The following CPEB3 variants were observed in gnomAD, a reference collection of about 807,000 sequenced individuals.
CPEB3 encodes the protein cytoplasmic polyadenylation element binding protein 3, also known as cytoplasmic polyadenylation element-binding protein 3.
Under a neutral mutation model 67.2 loss-of-function variants are expected in CPEB3, and 20 were observed. The ratio of observed to expected loss-of-function variants is 0.30; its 90% CI spans 0.21 to 0.43. The LOEUF (loss-of-function observed/expected upper bound fraction) is 0.43. CPEB3 is among the 20% of genes least tolerant of loss of function. The pLI is 1.00. For missense variants in CPEB3, 746 were observed against 968.6 expected (o/e 0.77, Z 3.05); for synonymous variants, 376 against 393.1 (o/e 0.96, Z 0.51).
chr10:92,208,043 C>A (rs1223025232), intron 2 of CPEB3, among the ~76,000 whole-genome samples: 1 of 152,072 alleles, frequency 6.6e-6, no homozygotes, highest in African/African-American at 2.4e-5. Context: ...GATAGGGTAT[C>A]CTAAGCAAGG....
intron 9 of CPEB3, among the ~76,000 whole-genome samples, chr10:92,072,237 A>G (rs1196124360): frequency 6.6e-6 from 1 of 152,256 alleles, no homozygotes; most frequent in Admixed American, 6.5e-5. Flanking sequence ...TGTCTTGACT[A>G]ACATCCAACC....
chr10:92,074,133 A>C (rs1056902812), intron 9 of CPEB3, among the ~76,000 whole-genome samples: 3 of 151,124 alleles, frequency 2.0e-5, no homozygotes, highest in Non-Finnish European at 3.0e-5. Flanking sequence ...TTTTAAGAGA[A>C]TGAGATCTCG....
chr10:92,247,873 C>A (rs984503856), intron 1 of CPEB3, among the ~76,000 whole-genome samples: 3 of 151,992 alleles, frequency 2.0e-5, no homozygotes, highest in Admixed American at 2.0e-4. Flanking sequence ...TAAACCACTG[C>A]CCCCCATCCT....
chr10:92,239,808 T>C lies in CPEB3; in HGVS notation c.543A>G (p.Pro181=). The change falls in exon 2 of 10, where the codon CCA becomes CCG. Residue 181 remains proline, a synonymous_variant. Transcript: ENST00000265997. The surrounding 1 kb of genome is among the most constrained non-coding windows in gnomAD (Gnocchi z 6.0). The part of the protein sequence containing the change: ...PAPQPAQPAQ[P]PQAQPPQQRR... ...GCTGCTGCGGGGGCTGCGCCTGTGG[T>C]GGCTGCGCTGGCTGTGCCGGCTGCG... 7.0e-7 allele frequency: 1 copy of C among 1,424,648 alleles called. No individual in the cohort carries two copies. Among genetic ancestry groups the C allele is most frequent in the Non-Finnish European group, 9.1e-7 (1 of 1,093,308 alleles). The allele number at this position is 1,424,648 out of a possible 1,614,324, so 88.3% of individuals were successfully genotyped here.
In CPEB3 at chr10:92,279,221, CTGAGTGGTCTT is replaced by C. The variant is rs558975878; in HGVS notation, c.-12+11694_-12+11704del. On this transcript the variant is annotated intron_variant, in intron 1 of 9. Coordinates refer to ENST00000265997, the MANE Select transcript of CPEB3 (RefSeq NM_014912.5). The stretch of plus-strand genomic sequence containing the variant: ...AAGTTGAGGAAGTTCCCTTCTATTC[CTGAGTGGTCTT>C]TTTCTCTTCCTCTTACAAGCAAGCT... 2.3e-4 allele frequency among the ~76,000 whole-genome samples: 35 copies of C among 152,164 alleles called. No individual in the cohort carries two copies. The East Asian group carries it at 6.0e-3, about 26-fold the overall frequency.
intron 6 of CPEB3, among the ~76,000 whole-genome samples, chr10:92,140,430 T>G (rs1352430784): frequency 6.6e-6 from 1 of 152,134 alleles, no homozygotes; most frequent in East Asian, 1.9e-4. Context: ...TAGCCATATG[T>G]AGAAAGCTGA....
At chr10:92,054,093 T>C (rs973299439) in intron 9 of CPEB3, among the ~76,000 whole-genome samples, 2 of 152,206 alleles carry the variant, frequency 1.3e-5, no homozygotes, top group African/African-American at 2.4e-5. Flanking sequence ...TTTGGAGATA[T>C]ACAACTCAAT....
At chr10:92,091,318 GA>G (rs1433225318) in intron 8 of CPEB3, among the ~76,000 whole-genome samples, 1 of 152,116 alleles carries the variant, frequency 6.6e-6, no homozygotes, top group African/African-American at 2.4e-5. Context: ...TGGTTATTAG[GA>G]GGCTGATGTA....
At chr10:92,282,121 C>T (rs913419990) in intron 1 of CPEB3, among the ~76,000 whole-genome samples, 10 of 152,054 alleles carry the variant, frequency 6.6e-5, no homozygotes, top group Non-Finnish European at 1.0e-4. Context: ...TCTCTGCCCT[C>T]GACCATTGCA....
At chr10:92,254,179 T>C (rs1852422402) in intron 1 of CPEB3, among the ~76,000 whole-genome samples, 1 of 151,762 alleles carries the variant, frequency 6.6e-6, no homozygotes, top group Admixed American at 6.6e-5. Flanking sequence ...CAGTGAGCCA[T>C]GATTGTGTCA....
chr10:92,168,733 T>A (rs1430552002), intron 4 of CPEB3, among the ~76,000 whole-genome samples: 1 of 151,924 alleles, frequency 6.6e-6, no homozygotes, highest in Non-Finnish European at 1.5e-5. Flanking sequence ...GCCATGATTG[T>A]AAGTTTCCTG....
At chr10:92,128,240 C>A (rs1845688950) in intron 6 of CPEB3, among the ~76,000 whole-genome samples, 1 of 152,220 alleles carries the variant, frequency 6.6e-6, no homozygotes, top group African/African-American at 2.4e-5. Context: ...AGTATCCAAT[C>A]TTTTGGCTTC....
At position 92,239,919 on chromosome 10, in the gene CPEB3, G is replaced by A; in HGVS notation, c.432C>T (p.Asn144=). ...MLFQNFPHHV[N]PVFGGTFSPQ... ...GGGAGAAAGTGCCTCCGAAGACTGG[G>A]TTGACATGGTGCGGGAAGTTCTGGA... The change falls in exon 2 of 10, where the codon AAC becomes AAT. Residue 144 remains asparagine, a synonymous_variant. Transcript: ENST00000265997. The surrounding 1 kb of genome is among the most constrained non-coding windows in gnomAD (Gnocchi z 6.0). The A allele has an allele frequency of 1.2e-6, 2 of 1,613,420 alleles. No individual in the cohort carries two copies. Among genetic ancestry groups the A allele is most frequent in the Non-Finnish European group, 1.7e-6 (2 of 1,179,678 alleles).
chr10:92,291,222 C>G, upstream of CPEB3: 1 of 533,846 alleles, frequency 1.9e-6, no homozygotes, highest in Non-Finnish European at 3.3e-6. Flanking sequence ...GGTCCATGGA[C>G]CGGAACCTCG....
At chr10:92,118,272 C>T (rs906053030) in intron 6 of CPEB3, among the ~76,000 whole-genome samples, 2 of 152,124 alleles carry the variant, frequency 1.3e-5, no homozygotes, top group African/African-American at 4.8e-5. Flanking sequence ...GCTGGGATTA[C>T]AGGCATGCAC....
chr10:92,063,473 G>A (rs997939733), intron 9 of CPEB3, among the ~76,000 whole-genome samples: 9 of 152,104 alleles, frequency 5.9e-5, no homozygotes, highest in Non-Finnish European at 1.0e-4. Context: ...AAATAAATCA[G>A]TCAGACACCA....
At chr10:92,289,806 TTATATATTATATAATACA>T (rs1842748814) in intron 1 of CPEB3, among the ~76,000 whole-genome samples, 2 of 140,208 alleles carry the variant, frequency 1.4e-5, no homozygotes, top group Admixed American at 1.5e-4. Context: ...TATAAATGTA[TTATATATTATATAATACA>T]TATATATTAT....
Position 92,286,780 on chromosome 10 carries a change from C to T in CPEB3, c.-12+4146G>A, listed in dbSNP as rs113570273. On this transcript the variant is annotated intron_variant, in intron 1 of 9. Coordinates refer to ENST00000265997, the MANE Select transcript of CPEB3 (RefSeq NM_014912.5). ...TTAGAAGGCACCTAAAAATATTATA[C>T]CATTTCTGTAACGAATACTCCAGGC... 8.6e-3 allele frequency among the ~76,000 whole-genome samples: 1,304 copies of T among 152,148 alleles called. 29 individuals carry two copies. The highest frequency in any genetic ancestry group is 0.03 in the African/African-American group (1,231 of 41,506).
At chr10:92,123,429 G>A (rs1460529356) in intron 6 of CPEB3, among the ~76,000 whole-genome samples, 1 of 152,164 alleles carries the variant, frequency 6.6e-6, no homozygotes, top group Non-Finnish European at 1.5e-5. Flanking sequence ...CACCTAATAA[G>A]CCTAAGTATT....
Sources: allele counts gnomAD v4.1 joint callset (sites outside exome capture counted in the v4.1 genomes callset), GRCh38; gene constraint gnomAD v4.1.1; non-coding constraint Gnocchi (gnomAD v3.1); transcripts MANE v1.5; gene names NCBI Gene and HGNC (gene_info 2026-07-23, HGNC 2026-07-21).